WIPF2: variants seen among roughly 807,000 people sequenced by gnomAD.
The protein encoded by WIPF2 is WAS/WASL interacting protein family member 2, also known as WAS/WASL-interacting protein family member 2.
Under a neutral mutation model 38.8 loss-of-function variants are expected in WIPF2, and 23 were observed. That is an observed-to-expected ratio of 0.59 (90% confidence interval 0.43 to 0.84). The LOEUF (loss-of-function observed/expected upper bound fraction) is 0.84, where lower values mean the gene tolerates loss of function less well. Among genes scored for constraint, WIPF2 ranks in the 40% least tolerant of loss-of-function variants. WIPF2 has a pLI of 0.00. For synonymous variants in WIPF2, 210 were observed against 223.2 expected, an observed-to-expected ratio of 0.94 and a Z score of 0.53; for missense variants, 574 against 580.5, an observed-to-expected ratio of 0.99 and a Z score of 0.11.
chr17:40,258,816 G>C (rs1293206548), intron 2 of WIPF2, among the ~76,000 whole-genome samples: 1 of 151,390 alleles, frequency 6.6e-6, no homozygotes, highest in Non-Finnish European at 1.5e-5. Flanking sequence ...GTCTCACTCT[G>C]TTACCCAGGC....
At chr17:40,227,166 A>G (rs2145278842) in intron 1 of WIPF2, among the ~76,000 whole-genome samples, 1 of 151,978 alleles carries the variant, frequency 6.6e-6, no homozygotes, top group East Asian at 1.9e-4. Context: ...TCACCGTGTC[A>G]AGTAGCTGAG....
At chr17:40,237,970 G>A (rs2031042753) in intron 1 of WIPF2, among the ~76,000 whole-genome samples, 1 of 150,454 alleles carries the variant, frequency 6.6e-6, no homozygotes, top group Non-Finnish European at 1.5e-5. Context: ...GGAGGCTGAG[G>A]TAGGAGAATT....
rs1010089460 is a variant in WIPF2, at chr17:40,280,665, T to C, written c.*2440T>C. 8 of 152,398 alleles carry C rather than the reference T, an allele frequency of 5.2e-5. No homozygotes were observed. Among genetic ancestry groups the C allele is most frequent in the African/African-American group, 1.9e-4 (8 of 41,396 alleles). 9.4% of individuals were successfully genotyped at this position (152,398 alleles called of 1,614,324 possible). On this transcript the variant is annotated 3_prime_UTR_variant, in exon 8 of 8. Coordinates refer to ENST00000323571, the MANE Select transcript of WIPF2 (RefSeq NM_133264.5). ...CGTTATCAAAGTGTTTTTTTTTTTT[T>C]CCTCCTTTACTCAGACATAGAGCAT... is the stretch of plus-strand genomic sequence containing the variant.
At chr17:40,226,383 T>C (rs2030490123) in intron 1 of WIPF2, among the ~76,000 whole-genome samples, 1 of 151,446 alleles carries the variant, frequency 6.6e-6, no homozygotes, top group Non-Finnish European at 1.5e-5. Context: ...TAATTTTTTT[T>C]TTTTTGTATT....
chr17:40,284,032 A>G lies in WIPF2; in HGVS notation c.*5807A>G, dbSNP rs1239052936. On this transcript the variant is annotated 3_prime_UTR_variant, in exon 8 of 8. Transcript: ENST00000323571. ...GGGAGGGAGGGGAAGAAAAAAAAGG[A>G]CTCCTTTCATTTTCATCCGTACTTC... 2 of 151,628 alleles carry G rather than the reference A, an allele frequency of 1.3e-5. No homozygotes were observed. The highest frequency in any genetic ancestry group is 2.9e-5 in the Non-Finnish European group (2 of 67,904). 9.4% of individuals were successfully genotyped at this position (151,628 alleles called of 1,614,324 possible).
chr17:40,219,334 A>G lies in WIPF2; in HGVS notation c.-228A>G. 2 of 353,392 alleles carry G rather than the reference A, an allele frequency of 5.7e-6. No individual in the cohort carries two copies. The highest frequency in any genetic ancestry group is 4.9e-5 in the Admixed American group (1 of 20,604). The allele number at this position is 353,392 out of a possible 1,614,324, so 21.9% of individuals were successfully genotyped here. ...GTTCGCGGACGCTGGGGACGGTGGG[A>G]GCAGATCCATTTCCGGGTTGGCAAA... is the stretch of plus-strand genomic sequence containing the variant. On this transcript the variant is annotated 5_prime_UTR_variant, in exon 1 of 8. Coordinates refer to ENST00000323571, the MANE Select transcript of WIPF2 (RefSeq NM_133264.5).
chr17:40,272,013 G>A (rs1487936252), intron 5 of WIPF2, among the ~76,000 whole-genome samples: 2 of 150,162 alleles, frequency 1.3e-5, no homozygotes, highest in East Asian at 4.0e-4. Context: ...ACATAGGTAT[G>A]AACATTTTCT....
At chr17:40,234,548 T>C (rs1268832621) in intron 1 of WIPF2, among the ~76,000 whole-genome samples, 2 of 151,918 alleles carry the variant, frequency 1.3e-5, no homozygotes, top group Non-Finnish European at 2.9e-5. Flanking sequence ...CTTGAGCTGG[T>C]AGGTCAAGGC....
Position 40,260,566 on chromosome 17 carries a change from A to T in WIPF2, c.95A>T (p.Asp32Val). Residue 32 changes from aspartate (D) to valine (V), a missense_variant, in exon 3 of 8, where the codon GAT becomes GTT. By Grantham distance (152) the Asp-to-Val change is radical. Coordinates refer to ENST00000323571, the MANE Select transcript of WIPF2 (RefSeq NM_133264.5). The stretch of plus-strand genomic sequence containing the variant: ...ACAGAGCAGCCCAAGCTGAGTAGAG[A>T]TGAGCAGCGGGGTCGAGGCGCCCTC... ...ANTEQPKLSR[D>V]EQRGRGALLQ... 6.2e-7 allele frequency: 1 copy of T among 1,613,920 alleles called. No homozygotes were observed. Among genetic ancestry groups the T allele is most frequent in the Non-Finnish European group, 8.5e-7 (1 of 1,179,996 alleles).
At chr17:40,273,064 C>T (rs2032292578) in intron 5 of WIPF2, among the ~76,000 whole-genome samples, 1 of 152,192 alleles carries the variant, frequency 6.6e-6, no homozygotes, top group African/African-American at 2.4e-5. Context: ...GATGGAGTCT[C>T]TCTCTGTTGC....
At position 40,240,727 on chromosome 17, in the gene WIPF2, G is replaced by A. The variant is rs550112041; in HGVS notation, c.-69-15664G>A. Among the ~76,000 whole-genome samples the A allele has an allele frequency of 5.9e-5, 9 of 151,678 alleles. No individual in the cohort carries two copies. The East Asian group carries it at 9.7e-4, about 16-fold the overall frequency. ...TGGGAGGCTGAGGCAGGCAGATCACGAGGTCAGGAGATGGAGACCATCCTG... is the reference window on the plus strand; with the variant it reads ...TGGGAGGCTGAGGCAGGCAGATCACAAGGTCAGGAGATGGAGACCATCCTG... On this transcript the variant is annotated intron_variant, in intron 1 of 7. Transcript: ENST00000323571.
chr17:40,222,381 G>C (rs1435617080), intron 1 of WIPF2, among the ~76,000 whole-genome samples: 1 of 151,170 alleles, frequency 6.6e-6, no homozygotes, highest in Non-Finnish European at 1.5e-5. Context: ...AACAAGGCTG[G>C]GCGCGCTGGC....
chr17:40,250,291 C>T (rs1359819620), intron 1 of WIPF2, among the ~76,000 whole-genome samples: 6 of 122,968 alleles, frequency 4.9e-5, no homozygotes, highest in Admixed American at 3.2e-4. Context: ...CGTGCAGTGG[C>T]GCATTCTCGG....
rs1158042069 is a variant in WIPF2, at chr17:40,273,819, A to G, written c.1000A>G (p.Asn334Asp). 5 of 1,607,958 alleles carry G rather than the reference A, an allele frequency of 3.1e-6. No homozygotes were observed. The highest frequency in any genetic ancestry group is 4.3e-6 in the Non-Finnish European group (5 of 1,176,324). The change falls in exon 6 of 8, where the codon AAT (asparagine) becomes GAT (aspartate). Residue 334 changes from asparagine (N) to aspartate (D), a missense_variant. By Grantham distance (23) the Asn-to-Asp change is conservative (BLOSUM62 1). Coordinates refer to ENST00000323571, the MANE Select transcript of WIPF2 (RefSeq NM_133264.5). ...APPPPPPVIR[N>D]GARDAPPPPP... ...TCCACCCCCACCACCTGTGATCCGAAATGGTGCCAGGGATGCTCCCCCTCC... is the reference window on the plus strand; with the variant it reads ...TCCACCCCCACCACCTGTGATCCGAGATGGTGCCAGGGATGCTCCCCCTCC...
intron 1 of WIPF2, among the ~76,000 whole-genome samples, chr17:40,227,311 T>TTAC (rs2145279303): frequency 6.6e-6 from 1 of 152,234 alleles, no homozygotes; most frequent in East Asian, 1.9e-4. Context: ...AGTGCTGGGA[T>TTAC]TACAGGTGTG....
chr17:40,232,471 T>C (rs899646452), intron 1 of WIPF2, among the ~76,000 whole-genome samples: 3 of 150,542 alleles, frequency 2.0e-5, no homozygotes, highest in Non-Finnish European at 3.0e-5. Flanking sequence ...ATTACAGGCA[T>C]GAGTACCACC....
At position 40,219,401 on chromosome 17, in the gene WIPF2, C is replaced by T; in HGVS notation, c.-161C>T. The T allele has an allele frequency of 4.9e-6, 2 of 410,788 alleles. No homozygotes were observed. Among genetic ancestry groups the T allele is most frequent in the Non-Finnish European group, 9.2e-6 (2 of 216,902 alleles). 25.4% of individuals were successfully genotyped at this position (410,788 alleles called of 1,614,324 possible). A position where few individuals can be genotyped will look rare whatever the true frequency, so the allele number is the denominator to read the frequency against. ...GCGGCGGCGGCGGCGGCGGCGGCGA[C>T]GGCGAGAAAGAGCTTGCCGGGGGGC... On this transcript the variant is annotated 5_prime_UTR_variant, in exon 1 of 8. The change creates a new upstream start codon in the 5' untranslated region. Coordinates refer to ENST00000323571, the MANE Select transcript of WIPF2 (RefSeq NM_133264.5).
intron 4 of WIPF2, 25 bp from the exon 5 acceptor site, chr17:40,264,465 C>T: frequency 6.2e-7 from 1 of 1,612,912 alleles, no homozygotes; most frequent in Non-Finnish European, 8.5e-7. Flanking sequence ...GCTCTGTTGA[C>T]CCTGTGTTGT....
intron 5 of WIPF2, among the ~76,000 whole-genome samples, chr17:40,265,783 CAG>C (rs2032069486): frequency 2.0e-5 from 3 of 152,214 alleles, no homozygotes; most frequent in East Asian, 1.9e-4. Context: ...GGGTTTTAAA[CAG>C]AGAAGTAGTA....
Sources: gnomAD v4.1 joint callset for allele counts (sites outside exome capture counted in the v4.1 genomes callset) on GRCh38, gnomAD v4.1.1 for gene constraint, MANE v1.5 for transcripts, NCBI Gene and HGNC (gene_info 2026-07-23, HGNC 2026-07-21) for gene names.